Variants in GJB1 observed in about 807,000 individuals in gnomAD.
GJB1 encodes the protein gap junction beta-1 protein.
Under a neutral mutation model 12.0 loss-of-function variants are expected in GJB1, and 1 was observed. The ratio of observed to expected loss-of-function variants is 0.08; its 90% CI spans 0.03 to 0.40. The LOEUF (loss-of-function observed/expected upper bound fraction) is 0.40, where lower values mean the gene tolerates loss of function less well. GJB1 is among the 10% of genes least tolerant of loss of function. GJB1 has a pLI of 0.98. For missense variants in GJB1, 140 were observed against 250.3 expected (o/e 0.56, Z 2.97); for synonymous variants, 114 against 102.8 (o/e 1.11, Z -0.66).
In GJB1 at chrX:71,224,514, C is replaced by T. The variant is rs750620543; in HGVS notation, c.807C>T (p.Thr269=). 29 of 1,194,129 alleles carry T rather than the reference C, an allele frequency of 2.4e-5. No homozygotes were observed. Among genetic ancestry groups the T allele is most frequent in the Non-Finnish European group, 3.3e-5 (29 of 886,963 alleles). The change falls in exon 2 of 2, where the codon ACC becomes ACT. Residue 269 remains threonine (T), a synonymous_variant. Coordinates refer to ENST00000361726, the MANE Select transcript of GJB1 (RefSeq NM_000166.6). ...LKDILRRSPG[T]GAGLAEKSDR... is the part of the protein sequence containing the mutation. ...ACATACTGCGCCGCAGCCCTGGCAC[C>T]GGGGCTGGGCTGGCTGAAAAGAGCG...
upstream of GJB1, among the ~76,000 whole-genome samples, chrX:71,219,810 G>A (rs1822110918): frequency 2.1e-5 from 2 of 96,763 alleles, no homozygotes; most frequent in South Asian, 5.0e-4. Context: ...AACCTGGCCA[G>A]GTTATTCTTT....
chrX:71,219,148 GTCTTAT>G (rs1368922938), upstream of GJB1, among the ~76,000 whole-genome samples: 40 of 92,235 alleles, frequency 4.3e-4, no homozygotes, highest in African/African-American at 1.7e-3. Flanking sequence ...TGTTGAGGTG[GTCTTAT>G]TATTATTATT....
intron 1 of GJB1, among the ~76,000 whole-genome samples, chrX:71,216,706 T>TA (rs886286658): frequency 9.0e-6 from 1 of 110,752 alleles, no homozygotes; most frequent in African/African-American, 3.3e-5. Flanking sequence ...CGGAATGAGC[T>TA]AGACTGGACC....
At chrX:71,218,108 A>G in intron 1 of GJB1, among the ~76,000 whole-genome samples, 1 of 111,119 alleles carries the variant, frequency 9.0e-6, no homozygotes, top group East Asian at 2.8e-4. Flanking sequence ...CCTGGCCAAC[A>G]TGGTAAAACA....
At chrX:71,223,661 G>A in intron 1 of GJB1, 31 bp from the exon 2 acceptor site, 4 of 1,204,979 alleles carry the variant, frequency 3.3e-6, no homozygotes, top group Non-Finnish European at 4.5e-6. Context: ...CCAGCTTTCT[G>A]ACAGCTTGCT....
At position 71,223,284 on chromosome X, in the gene GJB1, T is replaced by C; in HGVS notation, c.-68T>C. The C allele has an allele frequency of 4.0e-6, 1 of 249,738 alleles. No homozygotes were observed. Among genetic ancestry groups the C allele is most frequent in the South Asian group, 5.4e-5 (1 of 18,385 alleles). The allele number at this position is 249,738 out of a possible 1,213,427, so 20.6% of individuals were successfully genotyped here. A position where few individuals can be genotyped will look rare whatever the true frequency, so the allele number is the denominator to read the frequency against. ...AGGGACCACTCCCCCTGCACAGACA[T>C]GAGACCATAGGGGACCTGTCTGGGT... On this transcript the variant is annotated 5_prime_UTR_variant, in exon 1 of 2. The change abolishes an upstream ATG in the 5' untranslated region. Transcript: ENST00000361726.
upstream of GJB1, among the ~76,000 whole-genome samples, chrX:71,218,385 C>CTT (rs760563063): frequency 4.6e-5 from 4 of 87,095 alleles, no homozygotes; most frequent in South Asian, 6.0e-4. Flanking sequence ...CTCCCTGTTC[C>CTT]TTTTTTTTTT....
At chrX:71,222,002 C>T, upstream of GJB1, among the ~76,000 whole-genome samples, 1 of 110,189 alleles carries the variant, frequency 9.1e-6, no homozygotes, top group Admixed American at 9.8e-5. Flanking sequence ...ATTAGCTGGG[C>T]ATGGTGACAC....
chrX:71,218,202 G>A (rs1355131493), intron 1 of GJB1, among the ~76,000 whole-genome samples: 1 of 110,629 alleles, frequency 9.0e-6, no homozygotes, highest in Non-Finnish European at 1.9e-5. Context: ...TGAGGCAGGA[G>A]AATCATTTGA....
chrX:71,224,393 C>G lies in GJB1; in HGVS notation c.686C>G (p.Ser229Cys), dbSNP rs201429051. ...GCCCAGCGCCGCTCCAATCCACCTT[C>G]CCGCAAGGGCTCGGGCTTCGGCCAC... is the stretch of plus-strand genomic sequence containing the variant. ...RRAQRRSNPPSRKGSGFGHRL... is the reference protein window; with the variant it reads ...RRAQRRSNPPCRKGSGFGHRL... Residue 229 changes from serine to cysteine, a missense_variant, in exon 2 of 2, where the codon TCC (serine) becomes TGC (cysteine). Transcript: ENST00000361726. The G allele has an allele frequency of 1.7e-6, 2 of 1,210,709 alleles. No individual in the cohort carries two copies.
At position 71,224,069 on chromosome X, in the gene GJB1, A is replaced by G; in HGVS notation, c.362A>G (p.Lys121Arg). The change falls in exon 2 of 2, where the codon AAG becomes AGG. Residue 121 changes from lysine (K) to arginine (R), a missense_variant. Physicochemically the swap from Lys to Arg is conservative, Grantham distance 26. This residue lies in a region of GJB1 where 49 missense variants were observed against 104.5 expected (regional missense o/e 0.47). Coordinates refer to ENST00000361726, the MANE Select transcript of GJB1 (RefSeq NM_000166.6). ...GACCCCCTACACCTGGAGGAGGTGA[A>G]GAGGCACAAGGTCCACATCTCAGGG... Reference protein sequence around the residue: ...HGDPLHLEEVKRHKVHISGTL... With the variant: ...HGDPLHLEEVRRHKVHISGTL... 1 of 1,205,109 alleles carries G rather than the reference A, an allele frequency of 8.3e-7. No homozygotes were observed. The highest frequency in any genetic ancestry group is 1.1e-6 in the Non-Finnish European group (1 of 891,735).
At position 71,224,618 on chromosome X, in the gene GJB1, C is replaced by A; in HGVS notation, c.*59C>A. 1 of 982,795 alleles carries A rather than the reference C, an allele frequency of 1.0e-6. No individual in the cohort carries two copies. The highest frequency in any genetic ancestry group is 1.4e-6 in the Non-Finnish European group (1 of 705,959). 81.0% of individuals were successfully genotyped at this position (982,795 alleles called of 1,213,427 possible). A position where few individuals can be genotyped will look rare whatever the true frequency, so the allele number is the denominator to read the frequency against. On this transcript the variant is annotated 3_prime_UTR_variant, in exon 2 of 2. Transcript: ENST00000361726. Reference sequence around the variant, plus strand: ...CGACCCTGCCCTGGGCGAGCCCCTCCTTCTCCCCTGCCGGTGCACAGGCCT... The same window carrying A: ...CGACCCTGCCCTGGGCGAGCCCCTCATTCTCCCCTGCCGGTGCACAGGCCT...
At chrX:71,215,860 G>C in intron 1 of GJB1, among the ~76,000 whole-genome samples, 1 of 101,784 alleles carries the variant, frequency 9.8e-6, no homozygotes, top group African/African-American at 3.7e-5. Flanking sequence ...TGGAGTAATT[G>C]ATGGTTCGGA....
upstream of GJB1, among the ~76,000 whole-genome samples, chrX:71,219,002 T>C (rs2092531125): frequency 9.1e-6 from 1 of 110,468 alleles, no homozygotes; most frequent in South Asian, 3.8e-4. Context: ...TTTGCCTCTG[T>C]TTGCTCATCT....
At chrX:71,215,517 C>G (rs2092524456) in intron 1 of GJB1, among the ~76,000 whole-genome samples, 1 of 112,105 alleles carries the variant, frequency 8.9e-6, no homozygotes, top group Admixed American at 9.5e-5. Flanking sequence ...TTTCCTCTCA[C>G]TTTTTTTCCT....
intron 1 of GJB1, among the ~76,000 whole-genome samples, chrX:71,215,949 G>A (rs1250189484): frequency 2.4e-4 from 26 of 107,467 alleles, no homozygotes; most frequent in Non-Finnish European, 4.6e-4. Context: ...TCGGCTCACT[G>A]CAACCTCTGC....
chrX:71,215,959 C>T (rs893491918), intron 1 of GJB1, among the ~76,000 whole-genome samples: 3 of 108,596 alleles, frequency 2.8e-5, no homozygotes, highest in Non-Finnish European at 5.7e-5. Flanking sequence ...GCAACCTCTG[C>T]CTCCCGGGTT....
chrX:71,221,184 C>G (rs2092537296), upstream of GJB1, among the ~76,000 whole-genome samples: 1 of 111,801 alleles, frequency 8.9e-6, no homozygotes, highest in Non-Finnish European at 1.9e-5. Flanking sequence ...CCTTGCCCAG[C>G]CCCTGAAGCA....
chrX:71,221,819 C>T (rs965772278), upstream of GJB1, among the ~76,000 whole-genome samples: 1 of 110,638 alleles, frequency 9.0e-6, no homozygotes, highest in African/African-American at 3.3e-5. Flanking sequence ...AATGGGGTCT[C>T]AGACAGACCC....
Sources: gnomAD v4.1 joint callset for allele counts (sites outside exome capture counted in the v4.1 genomes callset) on GRCh38, gnomAD v4.1.1 for gene constraint, gnomAD v4.1.1 regional missense constraint, MANE v1.5 for transcripts, NCBI Gene and HGNC (gene_info 2026-07-23, HGNC 2026-07-21) for gene names.